Variants in KHDRBS2 observed in about 807,000 individuals in gnomAD.
KHDRBS2 encodes the protein KH RNA binding domain containing, signal transduction associated 2, also known as KH domain-containing, RNA-binding, signal transduction-associated protein 2.
Under a neutral mutation model 44.3 loss-of-function variants are expected in KHDRBS2, and 26 were observed. The observed-to-expected ratio is 0.59, with a 90% CI of 0.43 to 0.81. The LOEUF is 0.81. KHDRBS2 is among the 40% of genes least tolerant of loss of function. The pLI is 0.00. For missense variants in KHDRBS2, 476 were observed against 433.1 expected (o/e 1.10, Z -0.88); for synonymous variants, 194 against 151.1 (o/e 1.28, Z -2.08).
chr6:62,061,457 T>A (rs1345902313), intron 2 of KHDRBS2, among the ~76,000 whole-genome samples: 1 of 151,228 alleles, frequency 6.6e-6, no homozygotes, highest in Non-Finnish European at 1.5e-5. Context: ...GGATATGAAA[T>A]TCTGGGTTCA....
intron 8 of KHDRBS2, among the ~76,000 whole-genome samples, chr6:61,685,398 A>C (rs1260995357): frequency 1.3e-5 from 2 of 151,878 alleles, no homozygotes; most frequent in Admixed American, 1.3e-4. Context: ...GCTGCATATA[A>C]ATAAATGGTG....
At chr6:61,560,411 T>C in the KHDRBS2 span, among the ~76,000 whole-genome samples, 2 of 152,174 alleles carry the variant, frequency 1.3e-5, no homozygotes, top group African/African-American at 4.8e-5. Flanking sequence ...CCTATCTCCC[T>C]ACCTTCTCCT....
chr6:62,196,354 T>C (rs1158947813), intron 1 of KHDRBS2, among the ~76,000 whole-genome samples: 3 of 152,152 alleles, frequency 2.0e-5, no homozygotes, highest in Admixed American at 6.6e-5. Flanking sequence ...ATAAGTATAC[T>C]TCCAATTAGG....
At chr6:61,989,806 A>G (rs1775788164) in intron 3 of KHDRBS2, among the ~76,000 whole-genome samples, 1 of 152,176 alleles carries the variant, frequency 6.6e-6, no homozygotes, top group Non-Finnish European at 1.5e-5. Flanking sequence ...ATCTCCATGC[A>G]ATCAGCATTG....
chr6:61,720,227 G>A (rs554303996), intron 7 of KHDRBS2, among the ~76,000 whole-genome samples: 9 of 152,210 alleles, frequency 5.9e-5, no homozygotes, highest in African/African-American at 9.6e-5. Context: ...GAATAATGCC[G>A]CAATAAACAT....
chr6:61,908,448 T>C (rs1805434053), intron 4 of KHDRBS2, among the ~76,000 whole-genome samples: 1 of 151,730 alleles, frequency 6.6e-6, no homozygotes, highest in African/African-American at 2.4e-5. Flanking sequence ...TCCTGGCTAA[T>C]ACGGTGAAAC....
the KHDRBS2 span, among the ~76,000 whole-genome samples, chr6:61,637,648 C>G: frequency 1.3e-5 from 2 of 152,104 alleles, no homozygotes; most frequent in Non-Finnish European, 2.9e-5. Flanking sequence ...ACAGTCCCAC[C>G]AACAGTGTAA....
intron 6 of KHDRBS2, among the ~76,000 whole-genome samples, chr6:61,846,929 T>C (rs1027570204): frequency 3.3e-5 from 5 of 152,112 alleles, no homozygotes; most frequent in African/African-American, 9.6e-5. Flanking sequence ...TTTGTTCTAG[T>C]AATATGATAG....
chr6:62,150,197 A>C (rs1182986943), intron 2 of KHDRBS2, among the ~76,000 whole-genome samples: 2 of 152,024 alleles, frequency 1.3e-5, no homozygotes, highest in East Asian at 3.9e-4. Flanking sequence ...CAGTTTCATC[A>C]TGTAAAGGAA....
At chr6:62,249,982 C>A (rs1310672390) in intron 1 of KHDRBS2, among the ~76,000 whole-genome samples, 1 of 152,052 alleles carries the variant, frequency 6.6e-6, no homozygotes, top group Non-Finnish European at 1.5e-5. Context: ...TAATTATCTT[C>A]TTTATTAACT....
chr6:61,851,918 T>C (rs543955759), intron 6 of KHDRBS2, among the ~76,000 whole-genome samples: 13 of 152,324 alleles, frequency 8.5e-5, no homozygotes, highest in African/African-American at 3.1e-4. Flanking sequence ...GTGCATATTC[T>C]GAATTAAACG....
chr6:62,074,066 C>A (rs1461193232), intron 2 of KHDRBS2, among the ~76,000 whole-genome samples: 6 of 151,650 alleles, frequency 4.0e-5, no homozygotes, highest in Admixed American at 4.0e-4. Context: ...TAAGCTGCAC[C>A]CATTTAGGAG....
chr6:62,280,994 C>A (rs896652654), intron 1 of KHDRBS2, among the ~76,000 whole-genome samples: 1 of 152,156 alleles, frequency 6.6e-6, no homozygotes, highest in Non-Finnish European at 1.5e-5. Flanking sequence ...TCCAATAAAA[C>A]AGATGATGAA....
intron 3 of KHDRBS2, among the ~76,000 whole-genome samples, chr6:62,044,074 G>T (rs530034511): frequency 2.0e-5 from 3 of 151,968 alleles, no homozygotes; most frequent in African/African-American, 7.2e-5. Flanking sequence ...AAATATTTTT[G>T]ATTTTTTTCC....
intron 1 of KHDRBS2, among the ~76,000 whole-genome samples, chr6:62,191,615 C>A (rs146087019): frequency 6.6e-6 from 1 of 152,194 alleles, no homozygotes; most frequent in African/African-American, 2.4e-5. Context: ...AGAATTTAAA[C>A]TCAGTCAGGC....
intron 6 of KHDRBS2, among the ~76,000 whole-genome samples, chr6:61,831,877 T>C (rs1309905138): frequency 1.3e-5 from 2 of 152,166 alleles, no homozygotes; most frequent in Non-Finnish European, 2.9e-5. Flanking sequence ...TAGTAAACTG[T>C]GAGCATATTC....
intron 2 of KHDRBS2, among the ~76,000 whole-genome samples, chr6:62,050,927 T>C (rs1201058080): frequency 2.0e-5 from 3 of 152,046 alleles, no homozygotes; most frequent in East Asian, 1.9e-4. Context: ...AACAAGTTTA[T>C]ATGTAAACAG....
At chr6:62,124,865 A>T (rs894475604) in intron 2 of KHDRBS2, among the ~76,000 whole-genome samples, 1 of 152,132 alleles carries the variant, frequency 6.6e-6, no homozygotes, top group African/African-American at 2.4e-5. Context: ...AGCCACATAT[A>T]ACTGTTCCTT....
intron 1 of KHDRBS2, among the ~76,000 whole-genome samples, chr6:62,227,510 A>G (rs759877268): frequency 5.3e-5 from 8 of 152,058 alleles, no homozygotes; most frequent in Non-Finnish European, 8.8e-5. Flanking sequence ...TTGAATGCCA[A>G]TTATTTCTTT....
Sources: gnomAD v4.1 joint callset for allele counts (sites outside exome capture counted in the v4.1 genomes callset) on GRCh38, gnomAD v4.1.1 for gene constraint, MANE v1.5 for transcripts, NCBI Gene and HGNC (gene_info 2026-07-23, HGNC 2026-07-21) for gene names.